Variants in MYO16 observed in about 807,000 individuals in gnomAD.
The protein encoded by MYO16 is unconventional myosin-XVI.
A neutral mutation model predicts 205.3 loss-of-function variants in MYO16; 94 were observed. The ratio of observed to expected loss-of-function variants is 0.46; its 90% confidence interval spans 0.39 to 0.54. MYO16 has a LOEUF of 0.54. Ranked by LOEUF, MYO16 falls within the 20% of genes least tolerant of loss-of-function variation. MYO16 has a pLI of 0.00. For synonymous variants in MYO16, 988 were observed against 954.0 expected (o/e 1.04, Z -0.66); for missense variants, 2,315 against 2,387.5 (o/e 0.97, Z 0.63).
At chr13:108,796,658 A>C (rs1054267563) in intron 6 of MYO16, among the ~76,000 whole-genome samples, 1 of 151,808 alleles carries the variant, frequency 6.6e-6, no homozygotes, top group African/African-American at 2.4e-5. Context: ...TCAGCAAACT[A>C]TCGCAAGGAC....
chr13:108,880,663 A>G (rs183240335), intron 12 of MYO16, among the ~76,000 whole-genome samples: 3,971 of 152,278 alleles, frequency 0.026, 102 homozygotes, highest in Admixed American at 0.074. Context: ...GTCAAAGATC[A>G]GATGGTTGTA....
intron 4 of MYO16, among the ~76,000 whole-genome samples, chr13:108,783,931 C>A (rs978331027): frequency 6.6e-6 from 1 of 152,150 alleles, no homozygotes; most frequent in Non-Finnish European, 1.5e-5. Context: ...TGAAAATGAA[C>A]CAATACAGCG....
chr13:109,036,837 A>G (rs894846107), intron 23 of MYO16, among the ~76,000 whole-genome samples: 4 of 152,226 alleles, frequency 2.6e-5, no homozygotes, highest in African/African-American at 9.6e-5. Flanking sequence ...GAGTGGGGAA[A>G]AGGAAGGCAT....
chr13:108,524,876 AT>A, the MYO16 span, among the ~76,000 whole-genome samples: 1 of 152,222 alleles, frequency 6.6e-6, no homozygotes, highest in Non-Finnish European at 1.5e-5. Flanking sequence ...AGGGTTGGAT[AT>A]TTTACATAAA....
chr13:108,755,118 T>G (rs1885379955), intron 4 of MYO16, among the ~76,000 whole-genome samples: 1 of 152,010 alleles, frequency 6.6e-6, no homozygotes, highest in Non-Finnish European at 1.5e-5. Flanking sequence ...GAGAGGGGAC[T>G]CATAATTTAA....
At chr13:108,600,868 A>G (rs74117267) in intron 1 of MYO16, among the ~76,000 whole-genome samples, 2,656 of 152,292 alleles carry the variant, frequency 0.017, 84 homozygotes, top group African/African-American at 0.061. Flanking sequence ...TTTTAAAAGT[A>G]AATAAGCTTT....
Position 108,831,275 on chromosome 13 carries a change from T to C in MYO16, c.1097+7997T>C, listed in dbSNP as rs1026003046. On this transcript the variant is annotated intron_variant, in intron 9 of 34. Transcript: ENST00000457511. ...CCGGGCATAGAGTTGCCAGGTAAAA[T>C]GCAAGAAATGCAGCTAAATTTGAAT... Among the ~76,000 whole-genome samples the C allele has an allele frequency of 2.6e-5, 4 of 152,166 alleles. No individual in the cohort carries two copies. The South Asian group carries it at 8.3e-4, about 32-fold the overall frequency.
At chr13:108,571,567 G>A in the MYO16 span, among the ~76,000 whole-genome samples, 2 of 152,192 alleles carry the variant, frequency 1.3e-5, no homozygotes, top group Middle Eastern at 3.4e-3. Flanking sequence ...AAATGAGAGT[G>A]CAGTCGCTGC....
intron 2 of MYO16, among the ~76,000 whole-genome samples, chr13:108,680,496 A>C (rs1489993196): frequency 1.3e-5 from 2 of 152,196 alleles, no homozygotes; most frequent in Non-Finnish European, 2.9e-5. Flanking sequence ...CCAAAACTCT[A>C]TAATGCAGGC....
At chr13:108,560,627 A>T in the MYO16 span, among the ~76,000 whole-genome samples, 1 of 152,188 alleles carries the variant, frequency 6.6e-6, no homozygotes, top group African/African-American at 2.4e-5. Context: ...TACACTTTAC[A>T]TTAATATTTT....
chr13:108,621,886 T>C (rs543504385), intron 1 of MYO16, among the ~76,000 whole-genome samples: 2 of 152,320 alleles, frequency 1.3e-5, no homozygotes, highest in Non-Finnish European at 1.5e-5. Context: ...TCCTGTTTTA[T>C]CATTGTTGCT....
intron 16 of MYO16, among the ~76,000 whole-genome samples, chr13:108,913,717 C>T (rs905125977): frequency 2.0e-5 from 3 of 152,278 alleles, no homozygotes; most frequent in South Asian, 2.1e-4. Flanking sequence ...AGGAGGACTC[C>T]GTGCTTCTGT....
At chr13:108,901,243 A>G (rs780446780) in intron 15 of MYO16, among the ~76,000 whole-genome samples, 6 of 152,116 alleles carry the variant, frequency 3.9e-5, no homozygotes, top group Non-Finnish European at 7.3e-5. Flanking sequence ...CTTGTGAAAC[A>G]TGTGATTTCT....
chr13:109,006,960 A>G (rs1885406592), intron 21 of MYO16, among the ~76,000 whole-genome samples: 1 of 152,160 alleles, frequency 6.6e-6, no homozygotes, highest in East Asian at 1.9e-4. Flanking sequence ...CTAGAAAGCC[A>G]AGAGAGTGTG....
At chr13:108,835,112 G>A (rs911225885) in intron 9 of MYO16, among the ~76,000 whole-genome samples, 8 of 151,546 alleles carry the variant, frequency 5.3e-5, no homozygotes, top group Non-Finnish European at 7.4e-5. Context: ...ATATGAATAA[G>A]AGAGTAATAT....
intron 13 of MYO16, among the ~76,000 whole-genome samples, chr13:108,886,088 C>T (rs571382528): frequency 4.6e-5 from 7 of 152,040 alleles, no homozygotes; most frequent in Non-Finnish European, 8.8e-5. Context: ...CCCGGGTTGA[C>T]GTCATTCTCC....
At chr13:109,097,521 A>G (rs973426062) in intron 27 of MYO16, among the ~76,000 whole-genome samples, 12 of 152,166 alleles carry the variant, frequency 7.9e-5, no homozygotes, top group African/African-American at 2.9e-4. Flanking sequence ...CCCAATAAAA[A>G]TTAATAAAGT....
rs1415974332 is a variant in MYO16 at position 109,162,028 on chromosome 13, A to T, written c.5165-2873A>T. On this transcript the variant is annotated intron_variant, in intron 32 of 34. Coordinates refer to ENST00000457511, the MANE Select transcript of MYO16 (RefSeq NM_001198950.3). The surrounding 1 kb of genome is among the most constrained non-coding windows in gnomAD (Gnocchi z 4.6). The stretch of plus-strand genomic sequence containing the variant: ...CTCCCAGGAGGCAGAGGTTGCAGGG[A>T]GCTGAGATCGTGCCACTGCCCTCCA... Among the ~76,000 whole-genome samples the T allele has an allele frequency of 6.6e-6, 1 of 152,214 alleles. No individual in the cohort carries two copies. The highest frequency in any genetic ancestry group is 2.4e-5 in the African/African-American group (1 of 41,456).
chr13:108,770,023 AAGTGAATT>A (rs58314037), intron 4 of MYO16, among the ~76,000 whole-genome samples: 2,990 of 152,292 alleles, frequency 0.02, 88 homozygotes, highest in African/African-American at 0.069. Flanking sequence ...TAAAATGGCT[AAGTGAATT>A]GGTATATAAA....
Sources: gnomAD v4.1 joint callset for allele counts (sites outside exome capture counted in the v4.1 genomes callset) on GRCh38, gnomAD v4.1.1 for gene constraint, Gnocchi (gnomAD v3.1) non-coding constraint, MANE v1.5 for transcripts, NCBI Gene and HGNC (gene_info 2026-07-23, HGNC 2026-07-21) for gene names.